ACBD6: variants seen among roughly 807,000 people sequenced by gnomAD.
ACBD6 encodes the protein acyl-CoA binding domain containing 6, also known as acyl-CoA-binding domain-containing protein 6.
ACBD6 carries 28 observed loss-of-function variants against 37.2 expected under a neutral mutation model. The observed-to-expected ratio is 0.75, with a 90% CI of 0.56 to 1.03. The LOEUF is 1.03. Ranked by LOEUF, ACBD6 falls within the 50% of genes least tolerant of loss-of-function variation. The pLI, the probability that ACBD6 is intolerant of heterozygous loss-of-function variation, is 0.00. For missense variants in ACBD6, 340 were observed against 337.4 expected, an observed-to-expected ratio of 1.01 and a Z score of -0.06; for synonymous variants, 113 against 126.8, an observed-to-expected ratio of 0.89 and a Z score of 0.73.
intron 3 of ACBD6, among the ~76,000 whole-genome samples, chr1:180,440,308 T>C (rs372850598): frequency 7.9e-5 from 12 of 152,128 alleles, no homozygotes; most frequent in South Asian, 4.2e-4. Flanking sequence ...GGGGTTGCAA[T>C]GTGTTGTTCA....
chr1:180,294,840 C>G (rs111816856), intron 7 of ACBD6, among the ~76,000 whole-genome samples: 1 of 151,884 alleles, frequency 6.6e-6, no homozygotes, highest in Non-Finnish European at 1.5e-5. Flanking sequence ...GACTTACAGG[C>G]TCAAACAACT....
Position 180,493,247 on chromosome 1 carries a change from C to CAAA in ACBD6, c.288-885_288-883dup, listed in dbSNP as rs71121023. Among the ~76,000 whole-genome samples, 222 of 47,760 alleles carry CAAA rather than the reference C, an allele frequency of 4.6e-3. 13 individuals are homozygous for CAAA. The highest frequency in any genetic ancestry group is 0.015 in the African/African-American group (130 of 8,542). 31.3% of individuals were successfully genotyped at this position (47,760 alleles called of 152,430 possible). On this transcript the variant is annotated intron_variant, in intron 2 of 7. Coordinates refer to ENST00000367595, the MANE Select transcript of ACBD6 (RefSeq NM_032360.4). ...TGGGCAACAGAGCAAAATTCTGTCT[C>CAAA]AAAAAAAAAAAAAAAAAAAAAAAAA... is the stretch of plus-strand genomic sequence containing the variant.
chr1:180,271,262 C>A, exon 14 of ACBD6: 3 of 1,136,374 alleles, frequency 2.6e-6, no homozygotes, highest in Non-Finnish European at 4.0e-6. Flanking sequence ...CTGTGCCTCG[C>A]GCTGTCCTGC....
intron 6 of ACBD6, among the ~76,000 whole-genome samples, chr1:180,392,628 G>C (rs1654118731): frequency 6.6e-6 from 1 of 151,974 alleles, no homozygotes; most frequent in Non-Finnish European, 1.5e-5. Flanking sequence ...GACTAAAAGA[G>C]ACAATGCACA....
chr1:180,311,472 C>T lies in ACBD6; in HGVS notation c.694+3220G>A, dbSNP rs1650591966. 2.6e-5 allele frequency among the ~76,000 whole-genome samples: 4 copies of T among 152,172 alleles called. No individual in the cohort carries two copies. The South Asian group carries it at 6.2e-4, about 24-fold the overall frequency. ...AATTTTTTTGAGACAGGGTCTTACT[C>T]TGTCAACCAAGCTGGAGTGCAGTGG... is the stretch of plus-strand genomic sequence containing the variant. On this transcript the variant is annotated intron_variant, in intron 7 of 7. Coordinates refer to ENST00000367595, the MANE Select transcript of ACBD6 (RefSeq NM_032360.4).
At chr1:180,435,756 C>A (rs1649011601) in intron 3 of ACBD6, 2 of 850,778 alleles carry the variant, frequency 2.4e-6, no homozygotes, top group Non-Finnish European at 4.1e-6. Flanking sequence ...TTCAGAATAG[C>A]AGCCAAGTAT....
chr1:180,292,178 T>A (rs989026636), intron 7 of ACBD6, among the ~76,000 whole-genome samples: 3 of 152,182 alleles, frequency 2.0e-5, no homozygotes, highest in Admixed American at 6.5e-5. Context: ...TCCATATAAA[T>A]TTTAGAATCA....
At chr1:180,314,806 G>A in intron 6 of ACBD6, 84 bp from the exon 7 acceptor site, 3 of 1,037,296 alleles carry the variant, frequency 2.9e-6, no homozygotes, top group Non-Finnish European at 4.5e-6. Flanking sequence ...AAATTTATCT[G>A]ATATACCAAA....
chr1:180,472,570 A>C lies in ACBD6; in HGVS notation c.384+19699T>G, dbSNP rs114125563. Among the ~76,000 whole-genome samples, 532 of 152,290 alleles carry C rather than the reference A, an allele frequency of 3.5e-3. 3 individuals carry two copies. Among genetic ancestry groups the C allele is most frequent in the African/African-American group, 0.012 (511 of 41,548 alleles). ...TGTATATCATCAATAACGATTAAAA[A>C]ATTAATAAAATCTAAATCAGTTTTT... On this transcript the variant is annotated intron_variant, in intron 3 of 7. Coordinates refer to ENST00000367595, the MANE Select transcript of ACBD6 (RefSeq NM_032360.4).
intron 6 of ACBD6, among the ~76,000 whole-genome samples, chr1:180,349,164 A>T (rs1652303193): frequency 6.6e-6 from 1 of 152,024 alleles, no homozygotes; most frequent in African/African-American, 2.4e-5. Context: ...TTATAAAAAA[A>T]TAGAACGCTT....
intron 4 of ACBD6, among the ~76,000 whole-genome samples, chr1:180,422,881 T>C (rs1388808614): frequency 6.6e-6 from 1 of 152,194 alleles, no homozygotes; most frequent in Admixed American, 6.5e-5. Flanking sequence ...ACACTAGCCA[T>C]AGGAGGTAGC....
chr1:180,389,693 T>C (rs896975990), intron 6 of ACBD6, among the ~76,000 whole-genome samples: 1 of 152,222 alleles, frequency 6.6e-6, no homozygotes, highest in African/African-American at 2.4e-5. Context: ...TGATCGCCAT[T>C]CTAACTGGTG....
chr1:180,389,198 G>A (rs1046589045), intron 6 of ACBD6, among the ~76,000 whole-genome samples: 6 of 152,120 alleles, frequency 3.9e-5, no homozygotes, highest in South Asian at 2.1e-4. Flanking sequence ...TCCCCTTCCT[G>A]TGTCCATGCG....
chr1:180,474,892 C>T (rs915922710), intron 3 of ACBD6, among the ~76,000 whole-genome samples: 1 of 152,238 alleles, frequency 6.6e-6, no homozygotes, highest in Non-Finnish European at 1.5e-5. Context: ...CTATAATTTA[C>T]TGTCCAACTG....
intron 3 of ACBD6, among the ~76,000 whole-genome samples, chr1:180,454,814 A>C (rs1649851847): frequency 6.6e-6 from 1 of 152,220 alleles, no homozygotes; most frequent in Admixed American, 6.5e-5. Flanking sequence ...TCAAAACCAC[A>C]ATGAGATACC....
At chr1:180,444,623 C>T (rs1649409270) in intron 3 of ACBD6, among the ~76,000 whole-genome samples, 1 of 152,310 alleles carries the variant, frequency 6.6e-6, no homozygotes, top group East Asian at 1.9e-4. Context: ...CTCTTGATAT[C>T]CACTCCAGTG....
At chr1:180,424,609 A>G (rs1648509277) in intron 4 of ACBD6, among the ~76,000 whole-genome samples, 1 of 152,174 alleles carries the variant, frequency 6.6e-6, no homozygotes, top group South Asian at 2.1e-4. Flanking sequence ...ACCTCTATAT[A>G]TCTTTATATA....
chr1:180,288,629 A>AATG (rs2149276839), intron 7 of ACBD6, 112 bp from the exon 8 acceptor site: 1 of 1,250,600 alleles, frequency 8.0e-7, no homozygotes, highest in Admixed American at 2.0e-5. Context: ...AACAATGAGC[A>AATG]ATGTTACAGT....
chr1:180,337,907 C>T (rs953606726), intron 6 of ACBD6, among the ~76,000 whole-genome samples: 5 of 152,060 alleles, frequency 3.3e-5, no homozygotes, highest in East Asian at 1.9e-4. Context: ...ACAAGTGCTT[C>T]GAAGAGAATA....
Sources: gnomAD v4.1 joint callset for allele counts (sites outside exome capture counted in the v4.1 genomes callset) on GRCh38, gnomAD v4.1.1 for gene constraint, MANE v1.5 for transcripts, NCBI Gene and HGNC (gene_info 2026-07-23, HGNC 2026-07-21) for gene names.